FOXN3: variants seen among roughly 807,000 people sequenced by gnomAD.
FOXN3 encodes forkhead box protein N3.
Under a neutral mutation model 38.4 loss-of-function variants are expected in FOXN3, and 7 were observed. The ratio of observed to expected loss-of-function variants is 0.18; its 90% CI spans 0.10 to 0.34. The LOEUF (loss-of-function observed/expected upper bound fraction) is 0.34. FOXN3 is among the 10% of genes least tolerant of loss of function. FOXN3 has a pLI of 1.00. For missense variants in FOXN3, 456 were observed against 613.4 expected (o/e 0.74, Z 2.71); for synonymous variants, 230 against 242.2 (o/e 0.95, Z 0.47).
intron 1 of FOXN3, among the ~76,000 whole-genome samples, chr14:89,582,487 CTTTTT>C (rs57273137): frequency 2.3e-5 from 2 of 86,748 alleles, no homozygotes; most frequent in Non-Finnish European, 2.5e-5. Context: ...TTAAACTCAC[CTTTTT>C]TTTTTTTTTT....
intron 3 of FOXN3, among the ~76,000 whole-genome samples, chr14:89,349,366 T>C (rs1888880065): frequency 6.6e-6 from 1 of 152,242 alleles, no homozygotes; most frequent in Non-Finnish European, 1.5e-5. Flanking sequence ...CCACTGATTT[T>C]TATGAACACA....
At chr14:89,327,536 A>C (rs1453584733) in intron 3 of FOXN3, among the ~76,000 whole-genome samples, 1 of 152,220 alleles carries the variant, frequency 6.6e-6, no homozygotes, top group Non-Finnish European at 1.5e-5. Context: ...TAATGGTAAA[A>C]GGCACCTCTA....
chr14:89,419,202 T>C (rs1405982472), upstream of FOXN3: 1 of 456,048 alleles, frequency 2.2e-6, no homozygotes, highest in African/African-American at 2.0e-5. Context: ...GAAGAGGAAG[T>C]GGTGGACCAG....
chr14:89,525,321 C>T (rs1295214834), intron 1 of FOXN3, among the ~76,000 whole-genome samples: 1 of 152,126 alleles, frequency 6.6e-6, no homozygotes. Context: ...TCTGGTCATC[C>T]TCACTGCTCA....
intron 1 of FOXN3, among the ~76,000 whole-genome samples, chr14:89,520,101 C>A (rs752425259): frequency 6.7e-6 from 1 of 150,016 alleles, no homozygotes; most frequent in Non-Finnish European, 1.5e-5. Flanking sequence ...GCAGCCTCCA[C>A]CTCCTAGGCT....
intron 4 of FOXN3, among the ~76,000 whole-genome samples, chr14:89,225,168 G>T (rs543794632): frequency 6.6e-6 from 1 of 151,632 alleles, no homozygotes; most frequent in Non-Finnish European, 1.5e-5. Context: ...AGCCAGGTGT[G>T]GGGATGTGTG....
intron 2 of FOXN3, among the ~76,000 whole-genome samples, chr14:89,377,514 A>G (rs1450895214): frequency 1.3e-5 from 2 of 151,848 alleles, no homozygotes; most frequent in African/African-American, 4.8e-5. Flanking sequence ...GATGCCTAAA[A>G]CTTTGTTTTC....
chr14:89,539,016 G>A (rs1894744612), intron 1 of FOXN3, among the ~76,000 whole-genome samples: 1 of 151,912 alleles, frequency 6.6e-6, no homozygotes. Flanking sequence ...GCTAATTTTT[G>A]TATTTTTAGT....
chr14:89,171,963 G>T (rs1887401007), intron 5 of FOXN3, among the ~76,000 whole-genome samples: 1 of 152,086 alleles, frequency 6.6e-6, no homozygotes, highest in Non-Finnish European at 1.5e-5. Context: ...GTGCACAGAA[G>T]AATCTATAAA....
intron 1 of FOXN3, among the ~76,000 whole-genome samples, chr14:89,515,175 G>A (rs1017931912): frequency 1.3e-5 from 2 of 151,646 alleles, no homozygotes; most frequent in Non-Finnish European, 2.9e-5. Context: ...TGCCCACCTC[G>A]GCCTCCCAAA....
chr14:89,602,400 T>C (rs932079981), intron 1 of FOXN3, among the ~76,000 whole-genome samples: 3 of 152,132 alleles, frequency 2.0e-5, no homozygotes, highest in African/African-American at 7.2e-5. Context: ...AGCAGGTATC[T>C]CCCTAGAACA....
intron 1 of FOXN3, among the ~76,000 whole-genome samples, chr14:89,501,398 A>T (rs951922490): frequency 6.6e-6 from 1 of 152,180 alleles, no homozygotes; most frequent in African/African-American, 2.4e-5. Context: ...ACGAGCTGGC[A>T]CTGTGAAGGC....
chr14:89,281,529 C>T (rs894870395), intron 3 of FOXN3, among the ~76,000 whole-genome samples: 3 of 152,260 alleles, frequency 2.0e-5, no homozygotes, highest in South Asian at 2.1e-4. Context: ...CTTCTCGTTT[C>T]GTATCCTGTT....
intron 2 of FOXN3, chr14:89,356,188 AG>A (rs1388602103): frequency 6.6e-6 from 1 of 152,130 alleles, no homozygotes. Context: ...ACCTGAGGTC[AG>A]GAGTTCAAGA....
intron 3 of FOXN3, among the ~76,000 whole-genome samples, chr14:89,295,206 C>T (rs190918939): frequency 1.3e-5 from 2 of 152,208 alleles, no homozygotes; most frequent in Admixed American, 6.5e-5. Flanking sequence ...TCACCTGTTA[C>T]AGCCTATTCA....
At position 89,272,168 on chromosome 14, in the gene FOXN3, C is replaced by T. The variant is rs1222317584; in HGVS notation, c.745+8782G>A. ...CTACTAAAAATACAAAAAAATTACCCGGGTGTGGTGGCACGCGTCTCTAAT... is the reference window on the plus strand; with the variant it reads ...CTACTAAAAATACAAAAAAATTACCTGGGTGTGGTGGCACGCGTCTCTAAT... On this transcript the variant is annotated intron_variant, in intron 4 of 5. Coordinates refer to ENST00000557258, the MANE Select transcript of FOXN3 (RefSeq NM_005197.4). Among the ~76,000 whole-genome samples the T allele has an allele frequency of 5.3e-5, 8 of 152,100 alleles. No homozygotes were observed. In the South Asian group the frequency reaches 6.2e-4, roughly 12 times the overall value.
chr14:89,513,124 G>A (rs1289452076), intron 1 of FOXN3, among the ~76,000 whole-genome samples: 2 of 135,844 alleles, frequency 1.5e-5, no homozygotes, highest in Admixed American at 8.2e-5. Context: ...CTCCAACCTC[G>A]GCAACAGAGT....
chr14:89,388,207 C>T (rs187756231), intron 2 of FOXN3, among the ~76,000 whole-genome samples: 2 of 152,222 alleles, frequency 1.3e-5, no homozygotes, highest in East Asian at 1.9e-4. Context: ...CCTAAATGGG[C>T]GAACACACAC....
intron 4 of FOXN3, among the ~76,000 whole-genome samples, chr14:89,232,740 C>CT: frequency 6.6e-6 from 1 of 152,336 alleles, no homozygotes; most frequent in Non-Finnish European, 1.5e-5. Flanking sequence ...GCGCGCCAGC[C>CT]TTACGAGACA....
Sources: allele counts gnomAD v4.1 joint callset (sites outside exome capture counted in the v4.1 genomes callset), GRCh38; gene constraint gnomAD v4.1.1; transcripts MANE v1.5; gene names NCBI Gene and HGNC (gene_info 2026-07-23, HGNC 2026-07-21).